Variants in ERBB4 observed in about 807,000 individuals in gnomAD.
ERBB4 encodes erb-b2 receptor tyrosine kinase 4.
In ERBB4, 42 loss-of-function variants were observed where a neutral mutation model predicts 158.0. The observed-to-expected ratio is 0.27, with a 90% confidence interval of 0.21 to 0.34. ERBB4 has a LOEUF of 0.34. Ranked by LOEUF, ERBB4 falls within the 10% of genes least tolerant of loss-of-function variation. ERBB4 has a pLI of 1.00. For synonymous variants in ERBB4, 583 were observed against 558.7 expected, an observed-to-expected ratio of 1.04 and a Z score of -0.61; for missense variants, 1,333 against 1,624.1, an observed-to-expected ratio of 0.82 and a Z score of 3.08.
At chr2:211,740,031 T>G (rs2074737384) in intron 5 of ERBB4, among the ~76,000 whole-genome samples, 1 of 152,174 alleles carries the variant, frequency 6.6e-6, no homozygotes, top group South Asian at 2.1e-4. Context: ...TTCTGTTCCC[T>G]CATCCTCTCT....
At chr2:212,430,522 C>T (rs1031245878) in intron 1 of ERBB4, among the ~76,000 whole-genome samples, 7 of 151,588 alleles carry the variant, frequency 4.6e-5, no homozygotes, top group African/African-American at 1.7e-4. Context: ...CTCACTGCAG[C>T]CTCCACCTCC....
In ERBB4 at chr2:211,682,327, C is replaced by A. The variant is rs139718972; in HGVS notation, c.1490-3143G>T. The stretch of plus-strand genomic sequence containing the variant: ...CAATGTTCTAGCTCAAGTAGCCAAG[C>A]AGAGAGAGTGAATTCTCCCTTCTTT... On this transcript the variant is annotated intron_variant, in intron 12 of 27. Transcript: ENST00000342788. Among the ~76,000 whole-genome samples, 472 of 152,210 alleles carry A rather than the reference C, an allele frequency of 3.1e-3. 2 individuals are homozygous for A. The highest frequency in any genetic ancestry group is 0.01 in the African/African-American group (429 of 41,542).
intron 20 of ERBB4, among the ~76,000 whole-genome samples, chr2:211,521,093 G>C (rs2066174084): frequency 6.6e-6 from 1 of 151,656 alleles, no homozygotes; most frequent in Non-Finnish European, 1.5e-5. Context: ...AAATGGAAGA[G>C]TTGCAAGTCT....
intron 2 of ERBB4, among the ~76,000 whole-genome samples, chr2:211,983,139 T>C (rs983197199): frequency 1.3e-5 from 2 of 152,148 alleles, no homozygotes; most frequent in African/African-American, 2.4e-5. Flanking sequence ...AGGTAGAGGA[T>C]AGTTTGGAAG....
At chr2:212,385,486 C>T (rs906146106) in intron 1 of ERBB4, among the ~76,000 whole-genome samples, 5 of 151,734 alleles carry the variant, frequency 3.3e-5, no homozygotes, top group Non-Finnish European at 2.9e-5. Flanking sequence ...AGCCCATACA[C>T]GATCACCTTT....
chr2:211,434,113 G>A (rs1284779391), intron 20 of ERBB4, among the ~76,000 whole-genome samples: 1 of 152,124 alleles, frequency 6.6e-6, no homozygotes, highest in Non-Finnish European at 1.5e-5. Context: ...AATTTAGGTG[G>A]ATAATGATCC....
intron 25 of ERBB4, among the ~76,000 whole-genome samples, chr2:211,415,148 G>A (rs1219956187): frequency 9.2e-6 from 1 of 108,338 alleles, no homozygotes; most frequent in African/African-American, 3.6e-5. Flanking sequence ...ACGGAGTCTC[G>A]CTCTGTCGCC....
intron 3 of ERBB4, among the ~76,000 whole-genome samples, chr2:211,803,342 A>G (rs967447507): frequency 6.6e-6 from 1 of 152,224 alleles, no homozygotes; most frequent in Non-Finnish European, 1.5e-5. Flanking sequence ...TAATTTTATC[A>G]GTATAGATTA....
intron 2 of ERBB4, among the ~76,000 whole-genome samples, chr2:212,050,575 A>G (rs576162076): frequency 6.6e-6 from 1 of 152,138 alleles, no homozygotes; most frequent in Non-Finnish European, 1.5e-5. Flanking sequence ...AATAAATATA[A>G]TATTTTAAAT....
chr2:211,866,079 G>C (rs993588443), intron 3 of ERBB4, among the ~76,000 whole-genome samples: 1 of 152,164 alleles, frequency 6.6e-6, no homozygotes, highest in African/African-American at 2.4e-5. Context: ...GTGAAACCCT[G>C]TGTCTACTAA....
chr2:211,909,264 T>C (rs1297220153), intron 3 of ERBB4, among the ~76,000 whole-genome samples: 1 of 151,802 alleles, frequency 6.6e-6, no homozygotes, highest in Non-Finnish European at 1.5e-5. Flanking sequence ...GTTGGATTTA[T>C]GTATTCAATT....
At chr2:211,817,884 G>A (rs2076912039) in intron 3 of ERBB4, among the ~76,000 whole-genome samples, 1 of 152,062 alleles carries the variant, frequency 6.6e-6, no homozygotes, top group Non-Finnish European at 1.5e-5. Flanking sequence ...AAAGAATTTG[G>A]GACCCCAACA....
intron 3 of ERBB4, among the ~76,000 whole-genome samples, chr2:211,855,506 T>C (rs1229362942): frequency 1.3e-5 from 2 of 152,200 alleles, no homozygotes; most frequent in African/African-American, 4.8e-5. Flanking sequence ...TTGTCTATGG[T>C]GTGAGATTTG....
chr2:211,709,274 T>TATATACATATATATATATATAC (rs1553615210), intron 9 of ERBB4, among the ~76,000 whole-genome samples: 3 of 136,554 alleles, frequency 2.2e-5, no homozygotes, highest in African/African-American at 8.6e-5. Flanking sequence ...TATATATATA[T>TATATACATATATATATATATAC]ACATACATAT....
At chr2:211,825,848 T>C (rs895161453) in intron 3 of ERBB4, among the ~76,000 whole-genome samples, 2 of 147,500 alleles carry the variant, frequency 1.4e-5, no homozygotes, top group African/African-American at 4.9e-5. Context: ...TTACACTATA[T>C]TTTATTATAT....
intron 20 of ERBB4, among the ~76,000 whole-genome samples, chr2:211,447,955 A>G (rs1446238475): frequency 6.6e-6 from 1 of 152,022 alleles, no homozygotes; most frequent in East Asian, 1.9e-4. Flanking sequence ...TTCATTGTAT[A>G]TTTTGTCTAG....
At chr2:211,632,015 TTCTA>T (rs2070155305) in intron 16 of ERBB4, among the ~76,000 whole-genome samples, 1 of 152,008 alleles carries the variant, frequency 6.6e-6, no homozygotes, top group African/African-American at 2.4e-5. Flanking sequence ...GCGTAACTTC[TTCTA>T]TAAATGAAAT....
intron 2 of ERBB4, among the ~76,000 whole-genome samples, chr2:212,075,806 C>T (rs958264761): frequency 2.0e-5 from 3 of 151,822 alleles, no homozygotes; most frequent in Non-Finnish European, 4.4e-5. Context: ...TTACAGCCAA[C>T]ATTACATATG....
At chr2:211,709,072 G>T (rs867518152) in intron 9 of ERBB4, among the ~76,000 whole-genome samples, 2 of 151,810 alleles carry the variant, frequency 1.3e-5, no homozygotes, top group South Asian at 4.1e-4. Context: ...AGAAGTCTGG[G>T]TTAGTCTAAA....
Sources: gnomAD v4.1 joint callset for allele counts (sites outside exome capture counted in the v4.1 genomes callset) on GRCh38, gnomAD v4.1.1 for gene constraint, MANE v1.5 for transcripts, NCBI Gene and HGNC (gene_info 2026-07-23, HGNC 2026-07-21) for gene names.